Variants in RTN4IP1 observed in about 807,000 individuals in gnomAD.
RTN4IP1 encodes the protein reticulon 4 interacting protein 1, also known as NAD(P)H oxidoreductase RTN4IP1, mitochondrial.
RTN4IP1 carries 32 observed loss-of-function variants against 46.6 expected under a neutral mutation model. The ratio of observed to expected loss-of-function variants is 0.69; its 90% CI spans 0.52 to 0.92. RTN4IP1 has a LOEUF of 0.92. Among genes scored for constraint, RTN4IP1 ranks in the 40% least tolerant of loss-of-function variants. The probability of loss-of-function intolerance (pLI) is 0.00; values close to 1 mark genes in which losing one functional copy is unlikely to be tolerated. For missense variants in RTN4IP1, 424 were observed against 485.8 expected (o/e 0.87, Z 1.20); for synonymous variants, 167 against 161.8 (o/e 1.03, Z -0.24).
chr6:106,586,420 G>A (rs1047898012), intron 7 of RTN4IP1, among the ~76,000 whole-genome samples: 7 of 152,002 alleles, frequency 4.6e-5, no homozygotes, highest in Non-Finnish European at 7.4e-5. Context: ...TGTTGCCCAG[G>A]CTGCAGTACA....
intron 1 of RTN4IP1, among the ~76,000 whole-genome samples, chr6:106,625,327 G>A (rs1337246154): frequency 6.6e-6 from 1 of 152,026 alleles, no homozygotes; most frequent in Non-Finnish European, 1.5e-5. Context: ...AGATCTTAGG[G>A]ATGAGGAGAA....
intron 8 of RTN4IP1, among the ~76,000 whole-genome samples, chr6:106,582,383 T>C (rs1775391809): frequency 1.3e-5 from 2 of 152,146 alleles, no homozygotes; most frequent in South Asian, 4.1e-4. Context: ...GTGACAAAGA[T>C]AAGACAATGT....
chr6:106,578,778 G>C (rs1363466008), intron 8 of RTN4IP1, among the ~76,000 whole-genome samples: 6 of 152,160 alleles, frequency 3.9e-5, no homozygotes, highest in Non-Finnish European at 8.8e-5. Context: ...CTGGAGCTTG[G>C]CCTGACTGGG....
intron 1 of RTN4IP1, among the ~76,000 whole-genome samples, chr6:106,627,090 A>G (rs1776668175): frequency 2.0e-5 from 3 of 151,914 alleles, no homozygotes; most frequent in Admixed American, 2.0e-4. Flanking sequence ...TCCCCAAGCT[A>G]CTGTTTCAGA....
intron 8 of RTN4IP1, chr6:106,572,498 T>C (rs1775096811): frequency 6.0e-6 from 1 of 165,970 alleles, no homozygotes; most frequent in Non-Finnish European, 1.3e-5. Context: ...ATGCCTCTGC[T>C]GGTACGAGTC....
At chr6:106,601,383 T>C (rs958278951) in intron 5 of RTN4IP1, among the ~76,000 whole-genome samples, 3 of 152,238 alleles carry the variant, frequency 2.0e-5, no homozygotes. Context: ...ATTTTCTTGA[T>C]AGTGCCCTTT....
intron 4 of RTN4IP1, among the ~76,000 whole-genome samples, chr6:106,605,370 G>A (rs1250601747): frequency 6.6e-6 from 1 of 151,186 alleles, no homozygotes; most frequent in East Asian, 1.9e-4. Flanking sequence ...AGGTTGCAGT[G>A]AGCTGAGATG....
chr6:106,628,995 A>T lies in RTN4IP1; in HGVS notation c.27T>A (p.Leu9=). The change falls in exon 1 of 9, where the codon CTT becomes CTA. Residue 9 remains leucine (L), a synonymous_variant. Transcript: ENST00000369063. ...AAACCGCAGTGCATGCATTTCTTCT[A>T]AGTACACAAGTCTTCAGAAATTCCA... MEFLKTCV[L]RRNACTAVCF... 6.2e-7 allele frequency: 1 copy of T among 1,612,490 alleles called. No individual in the cohort carries two copies. The highest frequency in any genetic ancestry group is 8.5e-7 in the Non-Finnish European group (1 of 1,179,072).
At chr6:106,580,476 T>C (rs933471898) in intron 8 of RTN4IP1, among the ~76,000 whole-genome samples, 82 of 152,030 alleles carry the variant, frequency 5.4e-4, no homozygotes, top group Non-Finnish European at 4.6e-4. Flanking sequence ...CCCAGCACTT[T>C]GGGAGGCCAA....
intron 4 of RTN4IP1, among the ~76,000 whole-genome samples, chr6:106,607,135 G>T (rs1209656198): frequency 6.6e-6 from 1 of 152,050 alleles, no homozygotes; most frequent in Non-Finnish European, 1.5e-5. Context: ...AAGGCAACAA[G>T]AATTGATGTT....
chr6:106,587,975 A>C (rs932116356), intron 6 of RTN4IP1, 113 bp from the exon 7 acceptor site: 20 of 921,002 alleles, frequency 2.2e-5, no homozygotes, highest in Non-Finnish European at 3.2e-6. Flanking sequence ...ACAAATCTTA[A>C]ACTGTGCTGC....
At chr6:106,603,416 G>C (rs1011733298) in intron 4 of RTN4IP1, among the ~76,000 whole-genome samples, 200 of 152,090 alleles carry the variant, frequency 1.3e-3, no homozygotes, top group African/African-American at 4.7e-3. Context: ...TCCCATCCTC[G>C]ATGTGGCTTC....
Position 106,619,276 on chromosome 6 carries a change from T to C in RTN4IP1, c.546A>G (p.Pro182=), listed in dbSNP as rs772257377. 5.0e-6 allele frequency: 8 copies of C among 1,614,194 alleles called. No individual in the cohort carries two copies. In the South Asian group the frequency reaches 7.7e-5, roughly 16 times the overall value. The change falls in exon 4 of 9, where the codon CCA becomes CCG. Residue 182 remains proline (P), a synonymous_variant. Transcript: ENST00000369063. The part of the protein sequence containing the change: ...SLTHTQAASL[P]YVALTAWSAI... ...CAGACCAGGCTGTGAGAGCCACATA[T>C]GGCAAAGAGGCAGCTTGAGTATGAG...
intron 8 of RTN4IP1, among the ~76,000 whole-genome samples, chr6:106,574,294 T>A (rs1775163401): frequency 6.6e-6 from 1 of 152,036 alleles, no homozygotes; most frequent in African/African-American, 2.4e-5. Flanking sequence ...AATACAAAAA[T>A]TAGCTGGGTG....
chr6:106,593,051 T>G (rs1421080558), intron 5 of RTN4IP1, among the ~76,000 whole-genome samples: 1 of 152,170 alleles, frequency 6.6e-6, no homozygotes, highest in Non-Finnish European at 1.5e-5. Flanking sequence ...ATGCCACATA[T>G]CTTCATTTGC....
intron 5 of RTN4IP1, among the ~76,000 whole-genome samples, chr6:106,602,501 C>T (rs1366785724): frequency 1.3e-5 from 2 of 152,096 alleles, no homozygotes; most frequent in African/African-American, 4.8e-5. Context: ...TTGCTAACTT[C>T]CATCTACCTG....
chr6:106,619,405 G>A (rs996431588), intron 3 of RTN4IP1, 79 bp from the exon 4 acceptor site: 2 of 1,530,074 alleles, frequency 1.3e-6, no homozygotes, highest in African/African-American at 2.7e-5. Flanking sequence ...TACCTTCACA[G>A]GAATCCAGCT....
intron 7 of RTN4IP1, 95 bp from the exon 8 acceptor site, chr6:106,583,515 CA>C (rs1479294378): frequency 2.1e-6 from 2 of 941,304 alleles, no homozygotes; most frequent in Non-Finnish European, 3.3e-6. Context: ...ATGACTACAA[CA>C]AACTGATTTC....
At chr6:106,591,471 T>C (rs1158534061) in intron 6 of RTN4IP1, among the ~76,000 whole-genome samples, 1 of 152,158 alleles carries the variant, frequency 6.6e-6, no homozygotes, top group Admixed American at 6.5e-5. Flanking sequence ...CTCAATGTGG[T>C]CAAGAGTAGT....
Sources: gnomAD v4.1 joint callset for allele counts (sites outside exome capture counted in the v4.1 genomes callset) on GRCh38, gnomAD v4.1.1 for gene constraint, MANE v1.5 for transcripts, NCBI Gene and HGNC (gene_info 2026-07-23, HGNC 2026-07-21) for gene names.